Variants in AVIL observed in about 807,000 individuals in gnomAD.
AVIL encodes advillin.
In AVIL, 78 loss-of-function variants were observed where a neutral mutation model predicts 109.9. That is an observed-to-expected ratio of 0.71 (90% CI 0.59 to 0.86). The LOEUF is 0.86. Among genes scored for constraint, AVIL ranks in the 40% least tolerant of loss-of-function variants. AVIL has a pLI of 0.00. For missense variants in AVIL, 892 were observed against 1,016.5 expected (o/e 0.88, Z 1.67); for synonymous variants, 367 against 379.1 (o/e 0.97, Z 0.37).
intron 7 of AVIL, 34 bp from the exon 8 acceptor site, chr12:57,809,924 C>A (rs759309137): frequency 1.2e-6 from 2 of 1,605,642 alleles, no homozygotes; most frequent in South Asian, 2.2e-5. Context: ...TGTGCCTTTT[C>A]CTCTATAAAG....
At chr12:57,808,671 C>A in intron 9 of AVIL, 123 bp from the exon 10 acceptor site, 1 of 1,170,050 alleles carries the variant, frequency 8.5e-7, no homozygotes, top group Non-Finnish European at 1.2e-6. Flanking sequence ...GAGTCAGAGT[C>A]AAATTCTAAC....
At position 57,811,214 on chromosome 12, in the gene AVIL, A is replaced by C. The variant is rs1024313279; in HGVS notation, c.339-87T>G. The C allele has an allele frequency of 8.6e-5, 108 of 1,253,868 alleles. 1 individual carries two copies. The African/African-American group carries it at 1.3e-3, about 15-fold the overall frequency. 77.7% of individuals were successfully genotyped at this position (1,253,868 alleles called of 1,614,324 possible). ...TGGTGAATTACACAGATGCAGCCTC[A>C]CTCATGTGATGACAGTACATCAGCA... On this transcript the variant is annotated intron_variant, in intron 4 of 19. Transcript: ENST00000549994.
rs373683220 is a variant in AVIL, at chr12:57,811,823, T to G, written c.339-696A>C. ...TTGTTTTAATATCAGGGGCAAAGTTTTGAGTTAAACTTCTCAGTTGATGGA... is the reference window on the plus strand; with the variant it reads ...TTGTTTTAATATCAGGGGCAAAGTTGTGAGTTAAACTTCTCAGTTGATGGA... On this transcript the variant is annotated intron_variant, in intron 4 of 19. Coordinates refer to ENST00000549994, the MANE Select transcript of AVIL (RefSeq NM_006576.4). Among the ~76,000 whole-genome samples the G allele has an allele frequency of 3.9e-5, 6 of 152,382 alleles. No homozygotes were observed. In the East Asian group the frequency reaches 7.7e-4, roughly 20 times the overall value.
rs762545181 is a variant in AVIL at position 57,799,818 on chromosome 12, C to T, written c.2323G>A (p.Asp775Asn). The T allele has an allele frequency of 7.4e-6, 12 of 1,614,124 alleles. No homozygotes were observed. The Admixed American group carries it at 2.0e-4, about 27-fold the overall frequency. ...ACCTCCTTTTTGGCAGGGTTTACAT[C>T]CTCAGGCAGCTCCTGATTCTGGTTT... is the stretch of plus-strand genomic sequence containing the variant. ...LKNQNQELPEDVNPAKKENYL... is the reference protein window; with the variant it reads ...LKNQNQELPENVNPAKKENYL... The change falls in exon 19 of 20, where the codon GAT becomes AAT. Residue 775 changes from aspartate to asparagine, a missense_variant. Physicochemically the swap from Asp to Asn is conservative, Grantham distance 23. Coordinates refer to ENST00000549994, the MANE Select transcript of AVIL (RefSeq NM_006576.4).
chr12:57,813,677 C>T (rs536080656), intron 3 of AVIL, among the ~76,000 whole-genome samples: 10 of 152,336 alleles, frequency 6.6e-5, no homozygotes, highest in East Asian at 5.8e-4. Context: ...TAGATACCAA[C>T]GGGGATCTTT....
At chr12:57,802,731 C>A in intron 16 of AVIL, 1 of 597,828 alleles carries the variant, frequency 1.7e-6, no homozygotes, top group South Asian at 2.1e-5. Context: ...TCTATCTAGT[C>A]ACCTAAGGCA....
chr12:57,816,141 C>T, intron 1 of AVIL, 82 bp from the exon 2 acceptor site: 2 of 1,207,364 alleles, frequency 1.7e-6, no homozygotes, highest in Middle Eastern at 2.0e-4. Context: ...GAGCTGCTTC[C>T]CAGTCTGTTG....
intron 19 of AVIL, among the ~76,000 whole-genome samples, chr12:57,798,754 C>G (rs1201066645): frequency 6.6e-6 from 1 of 151,714 alleles, no homozygotes; most frequent in Non-Finnish European, 1.5e-5. Flanking sequence ...GTAGCTGGGA[C>G]TACAGGCACC....
intron 4 of AVIL, among the ~76,000 whole-genome samples, chr12:57,812,039 A>G (rs1956044885): frequency 6.6e-6 from 1 of 151,936 alleles, no homozygotes; most frequent in African/African-American, 2.4e-5. Flanking sequence ...CACTCAGGCT[A>G]GAGTTCAATA....
intron 19 of AVIL, among the ~76,000 whole-genome samples, chr12:57,798,923 T>A (rs1291019343): frequency 6.6e-6 from 1 of 152,204 alleles, no homozygotes; most frequent in Admixed American, 6.5e-5. Context: ...CCAAGAAATT[T>A]ATTCTTTTAA....
chr12:57,808,072 C>T (rs567064634), intron 11 of AVIL, 122 bp downstream of exon 11: 248 of 1,155,582 alleles, frequency 2.1e-4, no homozygotes, highest in Non-Finnish European at 2.9e-4. Flanking sequence ...AAGAAGACTC[C>T]TGAGGTGCCG....
chr12:57,804,653 A>G (rs1955914296), intron 14 of AVIL, among the ~76,000 whole-genome samples: 2 of 151,986 alleles, frequency 1.3e-5, no homozygotes, highest in African/African-American at 4.8e-5. Context: ...CTCTACTGAA[A>G]ATACAATTAG....
chr12:57,798,743 A>G (rs993861994), intron 19 of AVIL, among the ~76,000 whole-genome samples: 1 of 151,670 alleles, frequency 6.6e-6, no homozygotes, highest in East Asian at 1.9e-4. Context: ...CAGCCTCCCA[A>G]GTAGCTGGGA....
chr12:57,814,076 C>T, intron 3 of AVIL, 76 bp downstream of exon 3: 4 of 1,503,308 alleles, frequency 2.7e-6, no homozygotes, highest in South Asian at 1.2e-5. Context: ...CCTTCCCTCA[C>T]CAGCACATCT....
chr12:57,812,019 C>T (rs917501968), intron 4 of AVIL, among the ~76,000 whole-genome samples: 8 of 151,934 alleles, frequency 5.3e-5, no homozygotes, highest in Non-Finnish European at 1.2e-4. Context: ...AAGACAGGGT[C>T]TCACTCTGTC....
intron 9 of AVIL, 116 bp downstream of exon 9, chr12:57,809,480 CA>C: frequency 5.0e-6 from 6 of 1,190,412 alleles, no homozygotes; most frequent in Non-Finnish European, 7.2e-6. Flanking sequence ...CTTTGCAGTC[CA>C]TGTACGTAAG....
intron 2 of AVIL, 31 bp from the exon 3 acceptor site, chr12:57,814,257 A>G: frequency 1.9e-6 from 3 of 1,592,126 alleles, no homozygotes; most frequent in Non-Finnish European, 2.6e-6. Flanking sequence ...TATAGGCTAC[A>G]TCCCCTCCCA....
At chr12:57,802,659 C>CT (rs1955874300) in intron 16 of AVIL, 2 of 657,184 alleles carry the variant, frequency 3.0e-6, no homozygotes, top group East Asian at 5.4e-5. Context: ...AAAATAACAC[C>CT]TTCAGGATGT....
rs746781415 is a variant in AVIL at position 57,808,557 on chromosome 12, C to G, written c.940-9G>C. On this transcript the variant is annotated splice_polypyrimidine_tract_variant and intron_variant, in intron 9 of 19. Transcript: ENST00000549994. ...TTCATCTTGATGAAGCCCTGCAGAG[C>G]CACCCATTCCCAAAGGCAGGTCAGT... The G allele has an allele frequency of 6.2e-7, 1 of 1,613,260 alleles. No individual in the cohort carries two copies. The highest frequency in any genetic ancestry group is 8.5e-7 in the Non-Finnish European group (1 of 1,179,790).
Sources: gnomAD v4.1 joint callset for allele counts (sites outside exome capture counted in the v4.1 genomes callset) on GRCh38, gnomAD v4.1.1 for gene constraint, MANE v1.5 for transcripts, NCBI Gene and HGNC (gene_info 2026-07-23, HGNC 2026-07-21) for gene names.